The following ATG5 variants were observed in gnomAD, a reference collection of about 807,000 sequenced individuals.
ATG5 encodes autophagy protein 5.
In ATG5, 14 loss-of-function variants were observed where a neutral mutation model predicts 36.5. That is an observed-to-expected ratio of 0.38 (90% CI 0.25 to 0.60). ATG5 has a LOEUF of 0.60. Among genes scored for constraint, ATG5 ranks in the 20% least tolerant of loss-of-function variants. The pLI is 0.60. For missense variants in ATG5, 195 were observed against 326.7 expected, an observed-to-expected ratio of 0.60 and a Z score of 3.11; for synonymous variants, 95 against 101.5, an observed-to-expected ratio of 0.94 and a Z score of 0.38.
intron 6 of ATG5, among the ~76,000 whole-genome samples, chr6:106,246,105 A>T (rs1198808419): frequency 6.6e-6 from 1 of 152,190 alleles, no homozygotes; most frequent in East Asian, 1.9e-4. Context: ...TTAAATTCAA[A>T]TAAAAACCAA....
At chr6:106,315,487 T>C (rs1770807423) in intron 2 of ATG5, among the ~76,000 whole-genome samples, 1 of 152,166 alleles carries the variant, frequency 6.6e-6, no homozygotes, top group Non-Finnish European at 1.5e-5. Flanking sequence ...ATTTGAAAAG[T>C]GTTTGTAAAA....
At chr6:106,214,362 A>G (rs1776961718) in intron 6 of ATG5, among the ~76,000 whole-genome samples, 1 of 152,132 alleles carries the variant, frequency 6.6e-6, no homozygotes. Context: ...GACTACTTTT[A>G]TCCTTTATGT....
At chr6:106,296,987 A>G (rs531772284) in intron 3 of ATG5, among the ~76,000 whole-genome samples, 1 of 152,318 alleles carries the variant, frequency 6.6e-6, no homozygotes, top group African/African-American at 2.4e-5. Flanking sequence ...ATACAAAGAG[A>G]GACAGCAGTA....
chr6:106,204,833 T>C (rs1479465812), intron 6 of ATG5, among the ~76,000 whole-genome samples: 2 of 152,198 alleles, frequency 1.3e-5, no homozygotes, highest in African/African-American at 2.4e-5. Flanking sequence ...GTCTCAGATA[T>C]TTCTTTAAAG....
At chr6:106,211,004 C>A (rs1209458224) in intron 6 of ATG5, among the ~76,000 whole-genome samples, 1 of 152,052 alleles carries the variant, frequency 6.6e-6, no homozygotes, top group Non-Finnish European at 1.5e-5. Flanking sequence ...AACCCTGTTA[C>A]TATGTTATTA....
At position 106,316,135 on chromosome 6, in the gene ATG5, T is replaced by A; in HGVS notation, c.74A>T (p.Asp25Val). ...RIPTCFTLYQ[D>V]EITEREAEPY... ...TTCTGCTTCCCTTTCAGTTATCTCA[T>A]CCTGATATAGCGTGAAACAAGTTGG... is the stretch of plus-strand genomic sequence containing the variant. Residue 25 changes from aspartate to valine, a missense_variant, in exon 2 of 8, where the codon GAT (aspartate) becomes GTT (valine). Coordinates refer to ENST00000369076, the MANE Select transcript of ATG5 (RefSeq NM_004849.4). 2 of 1,613,538 alleles carry A rather than the reference T, an allele frequency of 1.2e-6. No individual in the cohort carries two copies. The highest frequency in any genetic ancestry group is 1.7e-6 in the Non-Finnish European group (2 of 1,179,660).
intron 6 of ATG5, among the ~76,000 whole-genome samples, chr6:106,212,438 C>G (rs575968346): frequency 3.3e-5 from 5 of 152,106 alleles, no homozygotes; most frequent in African/African-American, 9.7e-5. Flanking sequence ...GTCAGGAGTT[C>G]GAGATCAGCC....
chr6:106,225,638 A>G (rs1777425252), intron 6 of ATG5, among the ~76,000 whole-genome samples: 2 of 152,198 alleles, frequency 1.3e-5, no homozygotes, highest in South Asian at 4.1e-4. Context: ...AAGCAACAAG[A>G]ACACAAAAAT....
intron 5 of ATG5, among the ~76,000 whole-genome samples, chr6:106,273,122 A>G (rs1779514935): frequency 6.6e-6 from 1 of 152,224 alleles, no homozygotes; most frequent in African/African-American, 2.4e-5. Flanking sequence ...CAGTCTTTCA[A>G]TGAGAAAAAA....
intron 7 of ATG5, among the ~76,000 whole-genome samples, chr6:106,192,611 T>C (rs945293127): frequency 1.4e-4 from 22 of 152,318 alleles, no homozygotes; most frequent in African/African-American, 5.0e-4. Flanking sequence ...AAGCTCATAC[T>C]TTAAATATGG....
chr6:106,268,166 G>A (rs976306963), intron 5 of ATG5, among the ~76,000 whole-genome samples: 1 of 151,712 alleles, frequency 6.6e-6, no homozygotes. Flanking sequence ...GAATCTACAA[G>A]GAACTTAAAC....
At chr6:106,324,953 G>A (rs1257703471) in intron 1 of ATG5, among the ~76,000 whole-genome samples, 1 of 152,150 alleles carries the variant, frequency 6.6e-6, no homozygotes, top group Non-Finnish European at 1.5e-5. Flanking sequence ...GCTCAAGACA[G>A]GCTGTACCTC....
Position 106,194,675 on chromosome 6 carries a change from T to A in ATG5, c.691+7297A>T, listed in dbSNP as rs780718957. On this transcript the variant is annotated intron_variant, in intron 7 of 7. Coordinates refer to ENST00000369076, the MANE Select transcript of ATG5 (RefSeq NM_004849.4). ...GCCTCAGCCTCCCAAGTAGCTGGGA[T>A]TACAGGCATGCACCACCACGCCTAG... 2.4e-4 allele frequency among the ~76,000 whole-genome samples: 37 copies of A among 152,078 alleles called. 1 individual carries two copies. The highest frequency in any genetic ancestry group is 4.3e-4 in the Non-Finnish European group (29 of 67,998).
chr6:106,239,259 A>G (rs1778017199), intron 6 of ATG5, among the ~76,000 whole-genome samples: 1 of 152,178 alleles, frequency 6.6e-6, no homozygotes. Context: ...GAAAAACAAA[A>G]TCTACAAAAC....
intron 5 of ATG5, among the ~76,000 whole-genome samples, chr6:106,278,582 G>A (rs1357056332): frequency 6.6e-6 from 1 of 152,128 alleles, no homozygotes; most frequent in African/African-American, 2.4e-5. Flanking sequence ...GTCTCTTGAA[G>A]GGCAGCCATG....
intron 2 of ATG5, among the ~76,000 whole-genome samples, chr6:106,315,650 T>C (rs1397406562): frequency 6.6e-6 from 1 of 152,146 alleles, no homozygotes; most frequent in Admixed American, 6.6e-5. Context: ...CTTTAAGCTA[T>C]AAAAACACTT....
intron 6 of ATG5, among the ~76,000 whole-genome samples, chr6:106,240,818 T>C (rs890727583): frequency 3.3e-5 from 5 of 152,098 alleles, no homozygotes; most frequent in African/African-American, 1.2e-4. Context: ...CTGAACAAAT[T>C]ACAGTGCATC....
In ATG5 at chr6:106,263,466, T is replaced by G. The variant is rs183371014; in HGVS notation, c.479-15222A>C. On this transcript the variant is annotated intron_variant, in intron 5 of 7. Transcript: ENST00000369076. ...TGCTGACTCTGAAGAGAGGAGCTGA[T>G]CCTGACAAGACGGATTCTCCCAGCA... is the stretch of plus-strand genomic sequence containing the variant. 3.0e-3 allele frequency among the ~76,000 whole-genome samples: 463 copies of G among 152,268 alleles called. 1 individual carries two copies. The highest frequency in any genetic ancestry group is 5.9e-3 in the Admixed American group (90 of 15,306).
intron 5 of ATG5, among the ~76,000 whole-genome samples, chr6:106,265,168 CAAAAAAAAAAA>C (rs748718301): frequency 1.8e-5 from 1 of 56,730 alleles, no homozygotes; most frequent in Non-Finnish European, 3.8e-5. Context: ...AAATGGAAAG[CAAAAAAAAAAA>C]AAAAAAAAGC....
Sources: gnomAD v4.1 joint callset for allele counts (sites outside exome capture counted in the v4.1 genomes callset) on GRCh38, gnomAD v4.1.1 for gene constraint, MANE v1.5 for transcripts, NCBI Gene and HGNC (gene_info 2026-07-23, HGNC 2026-07-21) for gene names.